The following TNRC6C variants were observed in gnomAD, a reference collection of about 807,000 sequenced individuals.
TNRC6C encodes the protein trinucleotide repeat-containing gene 6C protein.
Under a neutral mutation model 153.7 loss-of-function variants are expected in TNRC6C, and 20 were observed. The observed-to-expected ratio is 0.13, with a 90% CI of 0.09 to 0.19. The LOEUF is 0.19. Ranked by LOEUF, TNRC6C falls within the 10% of genes least tolerant of loss-of-function variation. The pLI, the probability that TNRC6C is intolerant of heterozygous loss-of-function variation, is 1.00. For synonymous variants in TNRC6C, 811 were observed against 841.4 expected (o/e 0.96, Z 0.63); for missense variants, 1,987 against 2,172.0 (o/e 0.91, Z 1.69).
rs1189155924 is a variant in TNRC6C, at chr17:77,962,594, G to C, written c.-38+3326G>C. Among the ~76,000 whole-genome samples the C allele has an allele frequency of 2.0e-5, 3 of 152,190 alleles. No individual in the cohort carries two copies. The East Asian group carries it at 5.8e-4, about 29-fold the overall frequency. On this transcript the variant is annotated intron_variant, in intron 1 of 22. Coordinates refer to the TNRC6C transcript ENST00000636222. ...GAGCTGGCAGAAGGATAGGTTGAGG[G>C]AGCAGGAGGCGGAGTCCTGAACAGA...
At chr17:77,983,359 T>G (rs1389284782) in intron 1 of TNRC6C, among the ~76,000 whole-genome samples, 1 of 152,122 alleles carries the variant, frequency 6.6e-6, no homozygotes, top group Non-Finnish European at 1.5e-5. Context: ...GGAAAAGAGG[T>G]CACTCTCCTG....
upstream of TNRC6C, chr17:78,005,042 C>CTTT: frequency 1.1e-6 from 1 of 918,454 alleles, no homozygotes; most frequent in Non-Finnish European, 1.4e-6. Context: ...CTTTCTCTCT[C>CTTT]TTTTTTTTTT....
In TNRC6C at chr17:78,079,527, T is replaced by C; in HGVS notation, c.3343T>C (p.Phe1115Leu). ...CAGTCTCCGTGCTCAAGTGCCTCAG[T>C]TTCTATCCCCTCAGGTCAGACCCAC... Residue 1115 changes from phenylalanine (F) to leucine (L), a missense_variant, in exon 10 of 20, where the codon TTT (phenylalanine) becomes CTT (leucine). Physicochemically the swap from Phe to Leu is conservative, Grantham distance 22. Transcript: ENST00000301624. This position sits in a 1 kb window ranked among gnomAD's most constrained non-coding sequence, Gnocchi z 4.3. 1 of 1,613,876 alleles carries C rather than the reference T, an allele frequency of 6.2e-7. No homozygotes were observed. Among genetic ancestry groups the C allele is most frequent in the Non-Finnish European group, 8.5e-7 (1 of 1,179,876 alleles).
At chr17:78,046,046 T>C (rs2072402680) in intron 2 of TNRC6C, among the ~76,000 whole-genome samples, 1 of 152,094 alleles carries the variant, frequency 6.6e-6, no homozygotes, top group African/African-American at 2.4e-5. Context: ...TTAAAGTGCA[T>C]TTCTTGATTA....
chr17:78,012,558 A>C (rs1437126585), intron 1 of TNRC6C, among the ~76,000 whole-genome samples: 1 of 152,260 alleles, frequency 6.6e-6, no homozygotes, highest in African/African-American at 2.4e-5. Context: ...AGCCAGGCAG[A>C]TAAGCAAATA....
intron 1 of TNRC6C, among the ~76,000 whole-genome samples, chr17:78,009,575 A>G (rs1208867865): frequency 6.6e-6 from 1 of 151,870 alleles, no homozygotes; most frequent in African/African-American, 2.4e-5. Context: ...TTTTTTTGAG[A>G]TGGAGTTTTG....
Position 78,049,022 on chromosome 17 carries a change from A to G in TNRC6C, c.-41A>G. ...GAATCTGCCTCAGAATGTACTACAGACACTGACTCTGCCTCCAACTGTGGC... is the reference window on the plus strand; with the variant it reads ...GAATCTGCCTCAGAATGTACTACAGGCACTGACTCTGCCTCCAACTGTGGC... On this transcript the variant is annotated 5_prime_UTR_variant, in exon 3 of 20. Coordinates refer to ENST00000301624, the Ensembl canonical transcript of TNRC6C. This position sits in a 1 kb window ranked among gnomAD's most constrained non-coding sequence, Gnocchi z 4.1. 1 of 1,469,402 alleles carries G rather than the reference A, an allele frequency of 6.8e-7. No individual in the cohort carries two copies. Among genetic ancestry groups the G allele is most frequent in the Non-Finnish European group, 9.0e-7 (1 of 1,110,196 alleles). 91.0% of individuals were successfully genotyped at this position (1,469,402 alleles called of 1,614,324 possible).
rs1235173323 is a variant in TNRC6C, at chr17:78,006,825, TTTA to T, written c.-546+1749_-546+1751del. Among the ~76,000 whole-genome samples, 194 of 146,178 alleles carry T rather than the reference TTTA, an allele frequency of 1.3e-3. 1 individual carries two copies. The highest frequency in any genetic ancestry group is 4.7e-3 in the African/African-American group (181 of 38,214). The stretch of plus-strand genomic sequence containing the variant: ...GAATTTTCTTTTATTTATTTATTTA[TTTA>T]TTTTTTTTTTTTTTGAGATGGAGTC... On this transcript the variant is annotated intron_variant, in intron 1 of 19. Transcript: ENST00000301624.
chr17:77,959,938 C>T lies in TNRC6C; in HGVS notation c.-38+670C>T, dbSNP rs1278118013. 3.3e-5 allele frequency among the ~76,000 whole-genome samples: 5 copies of T among 152,218 alleles called. No homozygotes were observed. In the South Asian group the frequency reaches 6.2e-4, roughly 19 times the overall value. On this transcript the variant is annotated intron_variant, in intron 1 of 22. Coordinates refer to the TNRC6C transcript ENST00000636222. ...ATTGATTCGTAGCTATGAAAATGTG[C>T]AGATGTGGATGTGGGGGTTCCCTGC...
At chr17:77,964,849 A>G (rs1309905082) in intron 1 of TNRC6C, among the ~76,000 whole-genome samples, 2 of 152,014 alleles carry the variant, frequency 1.3e-5, no homozygotes, top group African/African-American at 4.8e-5. Context: ...GGAATTTAAT[A>G]GGCTTTGTTC....
intron 3 of TNRC6C, among the ~76,000 whole-genome samples, chr17:78,062,054 G>C (rs897568086): frequency 2.0e-5 from 3 of 152,074 alleles, no homozygotes; most frequent in Non-Finnish European, 4.4e-5. Context: ...AGCAACACAT[G>C]AGTTATTTTA....
At chr17:78,050,803 C>T (rs1311191218) in exon 3 of TNRC6C, 1 of 1,612,556 alleles carries the variant, frequency 6.2e-7, no homozygotes, top group East Asian at 2.2e-5. Flanking sequence ...CAAATCCCAA[C>T]ACTGGGGAGA....
intron 3 of TNRC6C, among the ~76,000 whole-genome samples, chr17:78,062,351 T>A (rs200913054): frequency 6.6e-6 from 1 of 152,192 alleles, no homozygotes; most frequent in Non-Finnish European, 1.5e-5. Flanking sequence ...TTTCTTAGAA[T>A]AAGAGTATCA....
At chr17:78,071,667 C>T (rs899775632) in intron 6 of TNRC6C, among the ~76,000 whole-genome samples, 2 of 152,222 alleles carry the variant, frequency 1.3e-5, no homozygotes, top group African/African-American at 4.8e-5. Context: ...GGATTACAGG[C>T]ATGAGTCACT....
chr17:78,049,376 A>C lies in TNRC6C; in HGVS notation c.314A>C (p.Asn105Thr), dbSNP rs780294972. 1.2e-6 allele frequency: 2 copies of C among 1,614,004 alleles called. No individual in the cohort carries two copies. The highest frequency in any genetic ancestry group is 3.3e-5 in the Admixed American group (2 of 60,028). The change falls in exon 3 of 20, where the codon AAC becomes ACC. Residue 105 changes from asparagine (N) to threonine (T), a missense_variant. Physicochemically the swap from Asn to Thr is moderately conservative, Grantham distance 65. Around this residue, in one of 4 missense-constraint regions of TNRC6C, gnomAD observed 1,052 missense variants for 1,017.0 expected, o/e 1.03. Transcript: ENST00000301624. This position sits in a 1 kb window ranked among gnomAD's most constrained non-coding sequence, Gnocchi z 4.1. ...AATCTTAACCTTAATCCTAATGCCA[A>C]CCCAGCTGCCTGGCCTGTACTTGGA...
At chr17:78,066,608 G>A (rs1360524999) in intron 4 of TNRC6C, 1 of 152,126 alleles carries the variant, frequency 6.6e-6, no homozygotes, top group Non-Finnish European at 1.5e-5. Flanking sequence ...CTCTTACCTA[G>A]TCTTTGCCCT....
chr17:78,031,651 G>A (rs749359028), exon 2 of TNRC6C: 9 of 1,232,328 alleles, frequency 7.3e-6, no homozygotes, highest in African/African-American at 1.6e-5. Context: ...GCTGCATCCC[G>A]TTACCTGCCT....
chr17:78,051,576 C>A, intron 3 of TNRC6C, 128 bp downstream of exon 5: 1 of 1,048,080 alleles, frequency 9.5e-7, no homozygotes, highest in Non-Finnish European at 1.3e-6. Context: ...ATTTAAGTTC[C>A]CTATCACCGT....
chr17:78,080,955 T>C (rs1404882253), intron 10 of TNRC6C, among the ~76,000 whole-genome samples: 1 of 152,194 alleles, frequency 6.6e-6, no homozygotes, highest in East Asian at 1.9e-4. Flanking sequence ...TGTTGGAATA[T>C]GGTGTCTTAG....
Sources: allele counts gnomAD v4.1 joint callset (sites outside exome capture counted in the v4.1 genomes callset), GRCh38; gene constraint gnomAD v4.1.1; regional missense constraint gnomAD v4.1.1; non-coding constraint Gnocchi (gnomAD v3.1); transcripts MANE v1.5; gene names NCBI Gene and HGNC (gene_info 2026-07-23, HGNC 2026-07-21).